VEPH1: variants seen among roughly 807,000 people sequenced by gnomAD.
VEPH1 encodes the protein ventricular zone expressed PH domain containing 1.
In VEPH1, 80 loss-of-function variants were observed where a neutral mutation model predicts 85.2. The observed-to-expected ratio is 0.94, with a 90% CI of 0.78 to 1.13. The LOEUF is 1.13. VEPH1 is among the 50% of genes most tolerant of loss of function. The pLI is 0.00. For missense variants in VEPH1, 955 were observed against 980.5 expected (o/e 0.97, Z 0.35); for synonymous variants, 297 against 348.0 (o/e 0.85, Z 1.63).
intron 9 of VEPH1, among the ~76,000 whole-genome samples, chr3:157,356,245 AC>A (rs1725418122): frequency 6.6e-6 from 1 of 151,270 alleles, no homozygotes; most frequent in South Asian, 2.1e-4. Flanking sequence ...CAACAAAAAA[AC>A]AAAACCCTGT....
At chr3:157,465,521 A>G (rs1385535220) in intron 3 of VEPH1, among the ~76,000 whole-genome samples, 2 of 152,344 alleles carry the variant, frequency 1.3e-5, no homozygotes, top group Middle Eastern at 3.4e-3. Flanking sequence ...AGGCCTGGAA[A>G]GATTAATTTT....
chr3:157,371,119 A>C (rs141295032), intron 7 of VEPH1, among the ~76,000 whole-genome samples: 3 of 152,316 alleles, frequency 2.0e-5, no homozygotes, highest in African/African-American at 7.2e-5. Flanking sequence ...CCAATCCTAG[A>C]AGATATGCTT....
At chr3:157,300,437 C>A (rs115547681) in intron 11 of VEPH1, among the ~76,000 whole-genome samples, 1,681 of 152,256 alleles carry the variant, frequency 0.011, 11 homozygotes, top group Non-Finnish European at 0.018. Context: ...ATAGGACAGT[C>A]TGGCTTGTGA....
chr3:157,481,847 A>T (rs1348716892), intron 2 of VEPH1, among the ~76,000 whole-genome samples: 1 of 152,150 alleles, frequency 6.6e-6, no homozygotes, highest in Non-Finnish European at 1.5e-5. Flanking sequence ...TGAATAGGGT[A>T]TCCTTTCCTC....
chr3:157,422,989 C>A (rs1732466127), intron 5 of VEPH1, among the ~76,000 whole-genome samples: 1 of 152,284 alleles, frequency 6.6e-6, no homozygotes, highest in African/African-American at 2.4e-5. Flanking sequence ...TGTCTCTTGT[C>A]TTTTTTACTT....
chr3:157,442,781 C>T lies in VEPH1; in HGVS notation c.530-14293G>A, dbSNP rs373914748. The T allele has an allele frequency of 1.1e-4, 173 of 1,614,222 alleles. 1 individual carries two copies. In the South Asian group the frequency reaches 1.3e-3, roughly 12 times the overall value. On this transcript the variant is annotated intron_variant, in intron 4 of 13. Transcript: ENST00000362010. Reference sequence around the variant, plus strand: ...TGCAGATTGGCCAAGAAAAGAATGGCTGCTGTGTGGGTGGTGGCTTTGATG... The same window carrying T: ...TGCAGATTGGCCAAGAAAAGAATGGTTGCTGTGTGGGTGGTGGCTTTGATG...
intron 12 of VEPH1, among the ~76,000 whole-genome samples, chr3:157,270,300 A>G (rs761433429): frequency 6.6e-4 from 100 of 151,606 alleles, no homozygotes; most frequent in Non-Finnish European, 4.3e-4. Context: ...ACAAAACAAA[A>G]CAAAACACCA....
intron 4 of VEPH1, chr3:157,438,035 G>T (rs866031416): frequency 2.8e-6 from 2 of 701,926 alleles, no homozygotes; most frequent in Non-Finnish European, 4.3e-6. Context: ...GCGCGCGCGC[G>T]CGCACACACA....
At chr3:157,380,181 T>A (rs1294005244) in intron 7 of VEPH1, among the ~76,000 whole-genome samples, 1 of 152,206 alleles carries the variant, frequency 6.6e-6, no homozygotes, top group Non-Finnish European at 1.5e-5. Context: ...GGCAGCTTCC[T>A]CACCTCAATC....
intron 7 of VEPH1, 156 bp downstream of exon 7, chr3:157,381,000 G>T (rs1728695747): frequency 2.8e-6 from 2 of 714,072 alleles, no homozygotes; most frequent in Non-Finnish European, 4.6e-6. Flanking sequence ...ACATTTAGAA[G>T]AAAGATTCTG....
At chr3:157,272,982 G>A (rs1329756871) in intron 12 of VEPH1, among the ~76,000 whole-genome samples, 2 of 152,144 alleles carry the variant, frequency 1.3e-5, no homozygotes, top group African/African-American at 4.8e-5. Context: ...CTACAGACAT[G>A]GTGGTGATTC....
intron 9 of VEPH1, among the ~76,000 whole-genome samples, chr3:157,331,565 C>A (rs529331334): frequency 6.6e-6 from 1 of 152,278 alleles, no homozygotes; most frequent in Admixed American, 6.5e-5. Flanking sequence ...GGATTTAACT[C>A]TTCTTCCAAC....
chr3:157,313,740 G>T lies in VEPH1; in HGVS notation c.1891C>A (p.Pro631Thr), dbSNP rs772676254. 1 of 1,614,120 alleles carries T rather than the reference G, an allele frequency of 6.2e-7. No homozygotes were observed. Among genetic ancestry groups the T allele is most frequent in the Admixed American group, 1.7e-5 (1 of 60,014 alleles). The change falls in exon 11 of 14, where the codon CCC becomes ACC. Residue 631 changes from proline to threonine, a missense_variant. Transcript: ENST00000362010. Reference protein sequence around the residue: ...FLFQQSLFPEPLSIQSHSVQF... With the variant: ...FLFQQSLFPETLSIQSHSVQF... ...ACAGAATGACTCTGAATGGACAGGG[G>T]TTCAGGAAACAGGCTCTGAAAGGGC...
intron 8 of VEPH1, 44 bp from the exon 9 acceptor site, chr3:157,363,805 T>A (rs1370345730): frequency 6.3e-7 from 1 of 1,581,834 alleles, no homozygotes; most frequent in Admixed American, 1.8e-5. Context: ...TGTGTTACCA[T>A]TCACTGACAA....
At chr3:157,489,419 C>T (rs890397133) in intron 2 of VEPH1, 4 of 319,766 alleles carry the variant, frequency 1.3e-5, no homozygotes, top group Non-Finnish European at 2.5e-5. Flanking sequence ...CTCCAGTCTA[C>T]AGCCTTAGGA....
rs116893820 is a variant in VEPH1 at position 157,478,134 on chromosome 3, C to T, written c.139-7605G>A. 9.9e-3 allele frequency among the ~76,000 whole-genome samples: 1,506 copies of T among 152,236 alleles called. 24 individuals carry two copies. The highest frequency in any genetic ancestry group is 0.067 in the East Asian group (345 of 5,164). On this transcript the variant is annotated intron_variant, in intron 2 of 13. Coordinates refer to ENST00000362010, the MANE Select transcript of VEPH1 (RefSeq NM_001167912.2). ...GGTCAAAGGGAATGGCCTCATTCAA[C>T]ATTTTGCTCCTCCCATTGGACAACC...
In VEPH1 at chr3:157,490,841, A is replaced by G. The variant is rs73876311; in HGVS notation, c.138+4371T>C. On this transcript the variant is annotated intron_variant, in intron 2 of 13. Coordinates refer to ENST00000362010, the MANE Select transcript of VEPH1 (RefSeq NM_001167912.2). ...ATAATTGGCCAAAATTGCCAATTACAACAATGTTTACTGTAGCACTGTTTA... is the reference window on the plus strand; with the variant it reads ...ATAATTGGCCAAAATTGCCAATTACGACAATGTTTACTGTAGCACTGTTTA... 3.2e-3 allele frequency among the ~76,000 whole-genome samples: 481 copies of G among 152,320 alleles called. 1 individual carries two copies. Among genetic ancestry groups the G allele is most frequent in the African/African-American group, 0.011 (457 of 41,574 alleles).
chr3:157,492,928 G>A (rs945068018), intron 2 of VEPH1, among the ~76,000 whole-genome samples: 3 of 152,144 alleles, frequency 2.0e-5, no homozygotes, highest in Non-Finnish European at 4.4e-5. Context: ...AGGAAGTAAA[G>A]TACTGTTTCT....
chr3:157,396,441 T>C (rs1258087702), intron 6 of VEPH1, among the ~76,000 whole-genome samples: 1 of 152,246 alleles, frequency 6.6e-6, no homozygotes, highest in Non-Finnish European at 1.5e-5. Context: ...TTTATATTCC[T>C]TTGTGTATAT....
Sources: allele counts gnomAD v4.1 joint callset (sites outside exome capture counted in the v4.1 genomes callset), GRCh38; gene constraint gnomAD v4.1.1; transcripts MANE v1.5; gene names NCBI Gene and HGNC (gene_info 2026-07-23, HGNC 2026-07-21).